The following KCNG3 variants were observed in gnomAD, a reference collection of about 807,000 sequenced individuals.
KCNG3 encodes voltage-gated potassium channel regulatory subunit KCNG3.
A neutral mutation model predicts 29.0 loss-of-function variants in KCNG3; 15 were observed. That is an observed-to-expected ratio of 0.52 (90% CI 0.35 to 0.80). The LOEUF (loss-of-function observed/expected upper bound fraction) is 0.80. KCNG3 is among the 30% of genes least tolerant of loss of function. KCNG3 has a pLI of 0.01. For missense variants in KCNG3, 512 were observed against 605.7 expected (o/e 0.85, Z 1.62); for synonymous variants, 322 against 248.9 (o/e 1.29, Z -2.76).
chr2:42,405,845 A>G, the KCNG3 span, among the ~76,000 whole-genome samples: 1 of 152,026 alleles, frequency 6.6e-6, no homozygotes, highest in South Asian at 2.1e-4. Context: ...TGACCTCGTG[A>G]CCTGCCCGCC....
Position 42,444,575 on chromosome 2 carries a change from T to C in KCNG3, c.670A>G (p.Ile224Val), listed in dbSNP as rs1336747868. 1.2e-6 allele frequency: 2 copies of C among 1,602,430 alleles called. No homozygotes were observed. Among genetic ancestry groups the C allele is most frequent in the African/African-American group, 2.7e-5 (2 of 74,498 alleles). ...AGPGREPSGI[I>V]EAICIGWFTA... Reference sequence around the variant, plus strand: ...AACCAACCTATGCAGATAGCTTCAATTATCCTGTCAAGAGAACAAAAGAAG... The same window carrying C: ...AACCAACCTATGCAGATAGCTTCAACTATCCTGTCAAGAGAACAAAAGAAG... Residue 224 changes from isoleucine (I) to valine (V), a missense_variant, in exon 2 of 2, where the codon ATT becomes GTT. Transcript: ENST00000306078. The surrounding 1 kb of genome is among the most constrained non-coding windows in gnomAD (Gnocchi z 5.8).
Position 42,443,441 on chromosome 2 carries a change from A to T in KCNG3, c.*493T>A, listed in dbSNP as rs992967468. 1 of 153,178 alleles carries T rather than the reference A, an allele frequency of 6.5e-6. No individual in the cohort carries two copies. The highest frequency in any genetic ancestry group is 1.5e-5 in the Non-Finnish European group (1 of 68,526). 9.5% of individuals were successfully genotyped at this position (153,178 alleles called of 1,614,324 possible). On this transcript the variant is annotated 3_prime_UTR_variant, in exon 2 of 2. Coordinates refer to ENST00000306078, the MANE Select transcript of KCNG3 (RefSeq NM_133329.6). ...ATTATACAGTTTAAATTTTGGCCAA[A>T]TTTTTAAAGTATTTGTTAAACAGTT...
chr2:42,462,882 AT>A (rs545568533), intron 1 of KCNG3, among the ~76,000 whole-genome samples: 1 of 152,060 alleles, frequency 6.6e-6, no homozygotes, highest in Non-Finnish European at 1.5e-5. Flanking sequence ...CCACTGCAAG[AT>A]TTTTTTAAAA....
At chr2:42,408,787 A>C in the KCNG3 span, among the ~76,000 whole-genome samples, 1 of 152,162 alleles carries the variant, frequency 6.6e-6, no homozygotes, top group Non-Finnish European at 1.5e-5. Context: ...ACAGGGCTGA[A>C]ACATGCCCCT....
the KCNG3 span, among the ~76,000 whole-genome samples, chr2:42,416,567 GC>G: frequency 1.3e-5 from 2 of 152,120 alleles, no homozygotes; most frequent in Non-Finnish European, 2.9e-5. Context: ...GGTGGCTCAC[GC>G]CTGTAATCCC....
chr2:42,392,672 G>A, the KCNG3 span, among the ~76,000 whole-genome samples: 2 of 151,922 alleles, frequency 1.3e-5, no homozygotes, highest in Non-Finnish European at 1.5e-5. Flanking sequence ...TATAAAGCAG[G>A]GAAGAAATGT....
At chr2:42,418,995 C>T in the KCNG3 span, among the ~76,000 whole-genome samples, 5 of 152,022 alleles carry the variant, frequency 3.3e-5, no homozygotes, top group East Asian at 9.7e-4. Flanking sequence ...GAAGCTTATC[C>T]CAGCACTGCA....
At chr2:42,450,292 A>C (rs1416597169) in intron 1 of KCNG3, among the ~76,000 whole-genome samples, 6 of 152,216 alleles carry the variant, frequency 3.9e-5, no homozygotes, top group Non-Finnish European at 8.8e-5. Context: ...CAGTTTATTC[A>C]GAATTGCACA....
chr2:42,405,699 C>T, the KCNG3 span, among the ~76,000 whole-genome samples: 2 of 152,238 alleles, frequency 1.3e-5, no homozygotes, highest in Non-Finnish European at 2.9e-5. Context: ...GCTCCGCCTC[C>T]CGGGTTCACG....
intron 1 of KCNG3, among the ~76,000 whole-genome samples, chr2:42,448,540 G>GTA (rs1292555852): frequency 6.6e-6 from 1 of 151,852 alleles, no homozygotes; most frequent in Non-Finnish European, 1.5e-5. Flanking sequence ...CTTCACTCAG[G>GTA]TATATCTGAT....
At chr2:42,447,103 G>A (rs183305174) in intron 1 of KCNG3, among the ~76,000 whole-genome samples, 1 of 150,984 alleles carries the variant, frequency 6.6e-6, no homozygotes, top group Non-Finnish European at 1.5e-5. Context: ...AAGGGATGAG[G>A]AAGGGGAAGG....
At chr2:42,447,256 A>G (rs1350092420) in intron 1 of KCNG3, among the ~76,000 whole-genome samples, 1 of 151,496 alleles carries the variant, frequency 6.6e-6, no homozygotes, top group Non-Finnish European at 1.5e-5. Context: ...ATGTGTATAT[A>G]TATGTACATA....
At chr2:42,405,433 T>C in the KCNG3 span, among the ~76,000 whole-genome samples, 9 of 152,062 alleles carry the variant, frequency 5.9e-5, no homozygotes, top group Non-Finnish European at 1.3e-4. Context: ...TTTTTGTTCA[T>C]TCTGCAGCAT....
chr2:42,401,008 A>G, the KCNG3 span, among the ~76,000 whole-genome samples: 5 of 151,466 alleles, frequency 3.3e-5, no homozygotes, highest in Non-Finnish European at 7.4e-5. Context: ...ATATTTTAAT[A>G]TTAAATGTAT....
chr2:42,434,622 C>T, the KCNG3 span, among the ~76,000 whole-genome samples: 23 of 139,264 alleles, frequency 1.7e-4, no homozygotes, highest in Non-Finnish European at 3.0e-4. Flanking sequence ...GCCGAGATCG[C>T]ACCGCTTCAC....
chr2:42,463,966 C>T, intron 1 of KCNG3: 2 of 326,570 alleles, frequency 6.1e-6, no homozygotes, highest in Non-Finnish European at 1.2e-5. Flanking sequence ...GGCAGATTTG[C>T]CAAGATCAGC....
the KCNG3 span, among the ~76,000 whole-genome samples, chr2:42,410,807 C>CTTCT: frequency 1.3e-5 from 2 of 151,800 alleles, no homozygotes; most frequent in African/African-American, 2.4e-5. Context: ...TTTGACTTTG[C>CTTCT]TTCTTTCTTT....
the KCNG3 span, among the ~76,000 whole-genome samples, chr2:42,406,853 CT>C: frequency 6.7e-6 from 1 of 149,318 alleles, no homozygotes. Context: ...AAGAAGGAGG[CT>C]TTTGGTTTAC....
the KCNG3 span, among the ~76,000 whole-genome samples, chr2:42,421,983 G>A: frequency 6.6e-6 from 1 of 152,298 alleles, no homozygotes; most frequent in East Asian, 1.9e-4. Context: ...GAGACACAGT[G>A]AGAAGCCATT....
Sources: allele counts gnomAD v4.1 joint callset (sites outside exome capture counted in the v4.1 genomes callset), GRCh38; gene constraint gnomAD v4.1.1; non-coding constraint Gnocchi (gnomAD v3.1); transcripts MANE v1.5; gene names NCBI Gene and HGNC (gene_info 2026-07-23, HGNC 2026-07-21).